Variants in ITGA9 observed in about 807,000 individuals in gnomAD.
ITGA9 encodes the protein integrin alpha-9.
A neutral mutation model predicts 127.8 loss-of-function variants in ITGA9; 56 were observed. The ratio of observed to expected loss-of-function variants is 0.44; its 90% CI spans 0.35 to 0.55. The LOEUF (loss-of-function observed/expected upper bound fraction) is 0.55, where lower values mean the gene tolerates loss of function less well. Among genes scored for constraint, ITGA9 ranks in the 20% least tolerant of loss-of-function variants. ITGA9 has a pLI of 0.00. For synonymous variants in ITGA9, 508 were observed against 514.5 expected (o/e 0.99, Z 0.17); for missense variants, 1,196 against 1,347.1 (o/e 0.89, Z 1.76).
At chr3:37,594,688 A>G (rs1350962407) in intron 15 of ITGA9, among the ~76,000 whole-genome samples, 2 of 152,200 alleles carry the variant, frequency 1.3e-5, no homozygotes, top group Non-Finnish European at 1.5e-5. Context: ...TAAGGTCATT[A>G]TGAGGACTAA....
At chr3:37,654,687 A>G (rs934643887) in intron 17 of ITGA9, among the ~76,000 whole-genome samples, 4 of 152,146 alleles carry the variant, frequency 2.6e-5, no homozygotes, top group African/African-American at 9.7e-5. Flanking sequence ...CAGTGCCTAC[A>G]CTAGGACATT....
At chr3:37,473,149 A>G (rs1698452103) in intron 2 of ITGA9, among the ~76,000 whole-genome samples, 1 of 151,504 alleles carries the variant, frequency 6.6e-6, no homozygotes, top group Non-Finnish European at 1.5e-5. Context: ...AAAAAAAAAA[A>G]AAAAAAAAAA....
chr3:37,634,548 A>G (rs1269539983), intron 16 of ITGA9, among the ~76,000 whole-genome samples: 1 of 152,340 alleles, frequency 6.6e-6, no homozygotes, highest in Admixed American at 6.5e-5. Context: ...GCAAGAGGAC[A>G]TAACAATTGT....
At chr3:37,511,705 T>A (rs1327221832) in intron 8 of ITGA9, among the ~76,000 whole-genome samples, 1 of 152,178 alleles carries the variant, frequency 6.6e-6, no homozygotes, top group African/African-American at 2.4e-5. Context: ...CCGTTCTCCT[T>A]TGAGAATGGG....
At chr3:37,512,064 CTTT>C (rs1466656198) in intron 8 of ITGA9, among the ~76,000 whole-genome samples, 7 of 56,460 alleles carry the variant, frequency 1.2e-4, no homozygotes, top group African/African-American at 3.6e-4. Context: ...TTCTTTCTTT[CTTT>C]CTTTCTTTCC....
chr3:37,484,178 G>A (rs1698585442), intron 4 of ITGA9, among the ~76,000 whole-genome samples: 1 of 152,212 alleles, frequency 6.6e-6, no homozygotes, highest in African/African-American at 2.4e-5. Context: ...TTGGCCCAGG[G>A]TGGGAAATAA....
intron 22 of ITGA9, among the ~76,000 whole-genome samples, 168 bp from the exon 23 acceptor site, chr3:37,750,293 AT>A (rs1259900830): frequency 3.3e-5 from 5 of 152,240 alleles, no homozygotes; most frequent in Admixed American, 3.3e-4. Context: ...TTTTGTTGAA[AT>A]TTCCCGTCAT....
chr3:37,520,935 C>T (rs887597897), intron 11 of ITGA9, among the ~76,000 whole-genome samples: 1 of 152,198 alleles, frequency 6.6e-6, no homozygotes. Context: ...TCCCCTCCTC[C>T]GGGGCCCTCC....
At chr3:37,717,423 G>C (rs887811989) in intron 18 of ITGA9, among the ~76,000 whole-genome samples, 1 of 152,128 alleles carries the variant, frequency 6.6e-6, no homozygotes, top group African/African-American at 2.4e-5. Flanking sequence ...CTGCTATAAC[G>C]AACTACCCGA....
At chr3:37,531,067 GA>G (rs1233012803) in intron 13 of ITGA9, among the ~76,000 whole-genome samples, 2 of 150,948 alleles carry the variant, frequency 1.3e-5, no homozygotes, top group African/African-American at 4.9e-5. Flanking sequence ...AGCTTCTTAA[GA>G]AAAAAAAAGC....
In ITGA9 at chr3:37,513,825, CCTG is replaced by C; in HGVS notation, c.964_966del (p.Leu322del). 6.2e-7 allele frequency: 1 copy of C among 1,613,958 alleles called. No individual in the cohort carries two copies. The highest frequency in any genetic ancestry group is 8.5e-7 in the Non-Finnish European group (1 of 1,180,022). ...ACCTGAATGGGGACGGCCTCTCTGA[CCTG>C]CTGGTGGGGGCCCCCATGTTTTCTG... On this transcript the variant is annotated inframe_deletion, in exon 9 of 28. Coordinates refer to ENST00000264741, the MANE Select transcript of ITGA9 (RefSeq NM_002207.3).
intron 27 of ITGA9, among the ~76,000 whole-genome samples, chr3:37,809,743 T>C (rs1354378573): frequency 6.6e-6 from 1 of 152,190 alleles, no homozygotes; most frequent in Admixed American, 6.5e-5. Context: ...CCTACGTATT[T>C]CTAGAACTTC....
chr3:37,523,557 A>G lies in ITGA9; in HGVS notation c.1273A>G (p.Met425Val), dbSNP rs1209500770. 3.7e-6 allele frequency: 6 copies of G among 1,614,046 alleles called. No homozygotes were observed. Among genetic ancestry groups the G allele is most frequent in the Non-Finnish European group, 4.2e-6 (5 of 1,179,968 alleles). ...GCAGAAGATAAATCCAGTGCTCCGG[A>G]TGTTTGGTCAGTCCATATCGGGAGG... ...SGQKINPVLRMFGQSISGGID... is the reference protein window; with the variant it reads ...SGQKINPVLRVFGQSISGGID... Residue 425 changes from methionine to valine, a missense_variant, in exon 12 of 28, where the codon ATG becomes GTG. Coordinates refer to ENST00000264741, the MANE Select transcript of ITGA9 (RefSeq NM_002207.3).
At chr3:37,645,266 A>G (rs1345415577) in intron 16 of ITGA9, among the ~76,000 whole-genome samples, 4 of 152,246 alleles carry the variant, frequency 2.6e-5, no homozygotes, top group African/African-American at 4.8e-5. Flanking sequence ...GTCATACCGC[A>G]TATCAAGAAA....
intron 26 of ITGA9, among the ~76,000 whole-genome samples, chr3:37,788,182 T>G (rs1182373125): frequency 6.6e-6 from 1 of 152,214 alleles, no homozygotes; most frequent in Non-Finnish European, 1.5e-5. Context: ...ATCTTCTATA[T>G]CATTTCCAGG....
intron 9 of ITGA9, among the ~76,000 whole-genome samples, chr3:37,515,977 G>A (rs1170220995): frequency 6.6e-6 from 1 of 152,208 alleles, no homozygotes; most frequent in Non-Finnish European, 1.5e-5. Context: ...GACATTCCAG[G>A]AAGTCAGGGC....
intron 15 of ITGA9, among the ~76,000 whole-genome samples, chr3:37,558,189 A>G (rs1380824217): frequency 6.6e-6 from 1 of 152,126 alleles, no homozygotes; most frequent in African/African-American, 2.4e-5. Flanking sequence ...GGTTCTCTGC[A>G]CTTCTGTTTG....
chr3:37,796,158 C>T (rs962198389), intron 26 of ITGA9, among the ~76,000 whole-genome samples: 1 of 152,060 alleles, frequency 6.6e-6, no homozygotes, highest in African/African-American at 2.4e-5. Flanking sequence ...ATCATGTTCC[C>T]TCTCCTTGGA....
chr3:37,534,670 A>T (rs1025767350), intron 14 of ITGA9, among the ~76,000 whole-genome samples: 1 of 152,212 alleles, frequency 6.6e-6, no homozygotes. Flanking sequence ...TTATTTTATC[A>T]TTTTTTAAAA....
Sources: allele counts gnomAD v4.1 joint callset (sites outside exome capture counted in the v4.1 genomes callset), GRCh38; gene constraint gnomAD v4.1.1; transcripts MANE v1.5; gene names NCBI Gene and HGNC (gene_info 2026-07-23, HGNC 2026-07-21).